The following DHRS2 variants were observed in gnomAD, a reference collection of about 807,000 sequenced individuals.
DHRS2 encodes the protein dehydrogenase/reductase SDR family member 2, mitochondrial.
DHRS2 carries 29 observed loss-of-function variants against 26.3 expected under a neutral mutation model. The observed-to-expected ratio is 1.10, with a 90% CI of 0.82 to 1.50. The LOEUF (loss-of-function observed/expected upper bound fraction) is 1.50. Ranked by LOEUF, DHRS2 falls within the 40% of genes most tolerant of loss-of-function variation. DHRS2 has a pLI of 0.00. For synonymous variants in DHRS2, 164 were observed against 151.3 expected, an observed-to-expected ratio of 1.08 and a Z score of -0.62; for missense variants, 439 against 367.1, an observed-to-expected ratio of 1.20 and a Z score of -1.60.
At chr14:23,642,362 C>A in intron 4 of DHRS2, 1 of 163,206 alleles carries the variant, frequency 6.1e-6, no homozygotes, top group Non-Finnish European at 1.3e-5. Flanking sequence ...TCCATTTCTT[C>A]ACACATAGTA....
Position 23,639,364 on chromosome 14 carries a change from G to T in DHRS2, c.318+8G>T. The T allele has an allele frequency of 6.4e-7, 1 of 1,558,150 alleles. No homozygotes were observed. Among genetic ancestry groups the T allele is most frequent in the Non-Finnish European group, 8.7e-7 (1 of 1,154,478 alleles). On this transcript the variant is annotated splice_region_variant and intron_variant, in intron 3 of 8. Transcript: ENST00000250383. ...GAGCAGCTGGTGGCCAAGGTGAGGG[G>T]GCAGGCGGTGGAAGGACACAGAGAG... is the stretch of plus-strand genomic sequence containing the variant.
Position 23,642,250 on chromosome 14 carries a change from A to G in DHRS2, c.421-902A>G, listed in dbSNP as rs769202367. ...CCTTACAGCCTGCATTTTTATGACC[A>G]AATAATAGAATAAATGCTCAGTCCT... is the stretch of plus-strand genomic sequence containing the variant. On this transcript the variant is annotated intron_variant, in intron 4 of 8. Coordinates refer to ENST00000250383, the MANE Select transcript of DHRS2 (RefSeq NM_005794.4). The G allele has an allele frequency of 2.8e-5, 20 of 713,188 alleles. No homozygotes were observed. In the Admixed American group the frequency reaches 4.0e-4, roughly 14 times the overall value. The allele number at this position is 713,188 out of a possible 1,614,324, so 44.2% of individuals were successfully genotyped here.
chr14:23,637,153 G>A (rs148818668), intron 1 of DHRS2, among the ~76,000 whole-genome samples: 2 of 152,230 alleles, frequency 1.3e-5, no homozygotes, highest in Non-Finnish European at 2.9e-5. Flanking sequence ...ACCCTTGCTC[G>A]CTGGGTCCTA....
chr14:23,644,322 C>T, intron 6 of DHRS2, 87 bp from the exon 7 acceptor site: 2 of 1,584,848 alleles, frequency 1.3e-6, no homozygotes, highest in Non-Finnish European at 1.7e-6. Context: ...GGCTGCTGGG[C>T]CTGTGAGATC....
Position 23,639,176 on chromosome 14 carries a change from C to T in DHRS2, c.141-3C>T. The T allele has an allele frequency of 6.2e-7, 1 of 1,612,560 alleles. No individual in the cohort carries two copies. Among genetic ancestry groups the T allele is most frequent in the Non-Finnish European group, 8.5e-7 (1 of 1,179,490 alleles). The stretch of plus-strand genomic sequence containing the variant: ...GACTTTTGCCCTCCATCTCTGCATT[C>T]AGGATCGGCTTTGCCATCGCCCGAC... On this transcript the variant is annotated splice_region_variant and splice_polypyrimidine_tract_variant and intron_variant, in intron 2 of 8. Coordinates refer to ENST00000250383, the MANE Select transcript of DHRS2 (RefSeq NM_005794.4).
intron 1 of DHRS2, among the ~76,000 whole-genome samples, chr14:23,637,260 T>G (rs780364128): frequency 2.0e-5 from 3 of 152,230 alleles, no homozygotes; most frequent in Non-Finnish European, 4.4e-5. Flanking sequence ...CTAATTTCTC[T>G]TATAAGAATG....
chr14:23,643,685 C>A, intron 5 of DHRS2: 2 of 288,866 alleles, frequency 6.9e-6, no homozygotes, highest in Non-Finnish European at 1.3e-5. Context: ...ACAGACACAC[C>A]CTTAGGAACT....
chr14:23,636,937 CT>C lies in DHRS2; in HGVS notation c.-39+166del, dbSNP rs1209797268. ...CTGGGAAAGGGATCTCTAACAACCC[CT>C]GGCTCTGTGGAGTTGGGAATGTTGT... On this transcript the variant is annotated intron_variant, in intron 1 of 8. Transcript: ENST00000250383. 5.3e-5 allele frequency among the ~76,000 whole-genome samples: 8 copies of C among 152,226 alleles called. 1 individual carries two copies. In the South Asian group the frequency reaches 1.2e-3, roughly 24 times the overall value.
intron 4 of DHRS2, 183 bp downstream of exon 4, chr14:23,640,078 TG>T (rs760605568): frequency 2.0e-4 from 141 of 693,808 alleles, no homozygotes; most frequent in Non-Finnish European, 2.7e-4. Context: ...CTTTCTGGCT[TG>T]TTGGTTCTTA....
upstream of DHRS2, among the ~76,000 whole-genome samples, chr14:23,634,374 A>C (rs900587300): frequency 2.0e-5 from 3 of 151,818 alleles, no homozygotes; most frequent in Middle Eastern, 6.8e-3. Flanking sequence ...GCCTGTTTGC[A>C]CCTTCTTAAT....
At chr14:23,632,441 A>C (rs1360802918), upstream of DHRS2, among the ~76,000 whole-genome samples, 1 of 152,170 alleles carries the variant, frequency 6.6e-6, no homozygotes, top group Non-Finnish European at 1.5e-5. Flanking sequence ...AAGAGGGAGG[A>C]GGTCTAGGAC....
intron 5 of DHRS2, 92 bp from the exon 6 acceptor site, chr14:23,644,019 G>A (rs1476421941): frequency 4.5e-6 from 6 of 1,324,060 alleles, no homozygotes; most frequent in Non-Finnish European, 6.5e-6. Context: ...TGTTGCTTCT[G>A]TGAGGGTTGC....
chr14:23,639,930 C>A (rs762880645), intron 4 of DHRS2, 35 bp downstream of exon 4: 2 of 1,514,904 alleles, frequency 1.3e-6, no homozygotes, highest in Admixed American at 2.1e-5. Flanking sequence ...GGCTGAGGGC[C>A]CGATTCCAGC....
rs1890837519 is a variant in DHRS2 at position 23,645,353 on chromosome 14, C to T, written c.*100C>T. The stretch of plus-strand genomic sequence containing the variant: ...TCTGGAGGCAGAGTCTGCCATTCTG[C>T]CAGACTAGCAATTTGGGGGCTTACT... On this transcript the variant is annotated 3_prime_UTR_variant, in exon 9 of 9. Transcript: ENST00000250383. 1 of 1,596,588 alleles carries T rather than the reference C, an allele frequency of 6.3e-7. No homozygotes were observed. Among genetic ancestry groups the T allele is most frequent in the Non-Finnish European group, 8.5e-7 (1 of 1,173,992 alleles).
chr14:23,645,393 G>A lies in DHRS2; in HGVS notation c.*140G>A. The A allele has an allele frequency of 6.5e-7, 1 of 1,544,154 alleles. No individual in the cohort carries two copies. Among genetic ancestry groups the A allele is most frequent in the South Asian group, 1.2e-5 (1 of 84,540 alleles). Reference sequence around the variant, plus strand: ...GGGGGCTTACTCATGCTAGGCTTGAGGAAGAAGAAAAACGCTTCGGCATTC... The same window carrying A: ...GGGGGCTTACTCATGCTAGGCTTGAAGAAGAAGAAAAACGCTTCGGCATTC... On this transcript the variant is annotated 3_prime_UTR_variant, in exon 9 of 9. Transcript: ENST00000250383.
At chr14:23,638,140 T>G (rs887244994) in intron 1 of DHRS2, 3 of 152,688 alleles carry the variant, frequency 2.0e-5, no homozygotes, top group Non-Finnish European at 2.9e-5. Context: ...CCAGAAGGAA[T>G]GAACAACTCC....
chr14:23,637,020 CAG>C lies in DHRS2; in HGVS notation c.-39+253_-39+254del, dbSNP rs556669284. 4.2e-3 allele frequency among the ~76,000 whole-genome samples: 635 copies of C among 152,294 alleles called. 2 individuals are homozygous for C. The highest frequency in any genetic ancestry group is 0.014 in the African/African-American group (583 of 41,550). ...ACTTCTGGGCTGAGCTGAGGGTCAA[CAG>C]AGAGGAAAGCCATTCAGCTCCGGAG... On this transcript the variant is annotated intron_variant, in intron 1 of 8. Transcript: ENST00000250383.
chr14:23,644,368 A>G (rs1890788250), intron 6 of DHRS2, 41 bp from the exon 7 acceptor site: 1 of 1,609,880 alleles, frequency 6.2e-7, no homozygotes, highest in Non-Finnish European at 8.5e-7. Flanking sequence ...GCTTTCCCCC[A>G]CTCTCCCATA....
rs1344069829 is a variant in DHRS2 at position 23,645,076 on chromosome 14, C to A, written c.732-66C>A. The stretch of plus-strand genomic sequence containing the variant: ...CATGGAGCCCACTCCCACCTGTCAT[C>A]CGTGAGCCCCAGAGCAGCAGAATCA... On this transcript the variant is annotated intron_variant, in intron 8 of 8. Transcript: ENST00000250383. The A allele has an allele frequency of 4.4e-6, 7 of 1,606,148 alleles. No individual in the cohort carries two copies. The East Asian group carries it at 1.1e-4, about 26-fold the overall frequency.
Sources: allele counts gnomAD v4.1 joint callset (sites outside exome capture counted in the v4.1 genomes callset), GRCh38; gene constraint gnomAD v4.1.1; transcripts MANE v1.5; gene names NCBI Gene and HGNC (gene_info 2026-07-23, HGNC 2026-07-21).